Variants in ACAN observed in about 807,000 individuals in gnomAD.
ACAN encodes the protein aggrecan core protein.
Under a neutral mutation model 169.1 loss-of-function variants are expected in ACAN, and 47 were observed. The ratio of observed to expected loss-of-function variants is 0.28; its 90% CI spans 0.22 to 0.35. ACAN has a LOEUF of 0.35. ACAN is among the 10% of genes least tolerant of loss of function. The pLI is 1.00. For synonymous variants in ACAN, 1,115 were observed against 1,112.2 expected, an observed-to-expected ratio of 1.00 and a Z score of -0.05; for missense variants, 2,716 against 2,759.9, an observed-to-expected ratio of 0.98 and a Z score of 0.36.
intron 1 of ACAN, among the ~76,000 whole-genome samples, chr15:88,834,996 G>T (rs1270589168): frequency 3.9e-5 from 6 of 152,180 alleles, no homozygotes; most frequent in Admixed American, 2.0e-4. Flanking sequence ...ACAGACCTGT[G>T]TACTTATTAT....
At chr15:88,829,736 C>T (rs985183268) in intron 1 of ACAN, among the ~76,000 whole-genome samples, 6 of 152,182 alleles carry the variant, frequency 3.9e-5, no homozygotes, top group African/African-American at 1.2e-4. Flanking sequence ...GCCACCTGGT[C>T]GCAGGCAAAT....
chr15:88,838,945 TG>T lies in ACAN; in HGVS notation c.355del (p.Glu119LysfsTer17). 6.2e-7 allele frequency: 1 copy of T among 1,613,902 alleles called. No individual in the cohort carries two copies. The highest frequency in any genetic ancestry group is 8.5e-7 in the Non-Finnish European group (1 of 1,179,896). On this transcript the variant is annotated frameshift_variant, in exon 3 of 19. Coordinates refer to ENST00000560601, the MANE Select transcript of ACAN (RefSeq NM_001369268.1). LOFTEE classifies it high-confidence loss of function. This position sits in a 1 kb window ranked among gnomAD's most constrained non-coding sequence, Gnocchi z 5.1. ...NYPAIPSDAT[L>X]EVQSLRSNDS... ...CCGGCCATCCCCAGTGACGCCACCT[TG>T]GAAGTCCAGAGCCTGCGCTCCAATG...
At position 88,870,930 on chromosome 15, in the gene ACAN, C is replaced by A. The variant is rs960866321; in HGVS notation, c.7061-452C>A. Among the ~76,000 whole-genome samples, 1 of 152,212 alleles carries A rather than the reference C, an allele frequency of 6.6e-6. No homozygotes were observed. The highest frequency in any genetic ancestry group is 1.5e-5 in the Non-Finnish European group (1 of 68,032). On this transcript the variant is annotated intron_variant, in intron 14 of 18. Coordinates refer to ENST00000560601, the MANE Select transcript of ACAN (RefSeq NM_001369268.1). The surrounding 1 kb of genome is among the most constrained non-coding windows in gnomAD (Gnocchi z 6.3). Reference sequence around the variant, plus strand: ...AGGAAACTGCCAGCTCCGCTCCATGCCCCAGCGCTACCAGCTTCCACTGCC... The same window carrying A: ...AGGAAACTGCCAGCTCCGCTCCATGACCCAGCGCTACCAGCTTCCACTGCC...
chr15:88,845,448 C>A, intron 6 of ACAN, 57 bp from the exon 7 acceptor site: 1 of 1,539,542 alleles, frequency 6.5e-7, no homozygotes, highest in Non-Finnish European at 8.8e-7. Flanking sequence ...CACTCCTCAT[C>A]CCCCTCAAGC....
intron 1 of ACAN, among the ~76,000 whole-genome samples, chr15:88,825,813 C>T (rs1039147861): frequency 3.9e-5 from 6 of 152,224 alleles, no homozygotes; most frequent in Admixed American, 2.0e-4. Flanking sequence ...TGCCCACCCC[C>T]ACCTCCAGAA....
In ACAN at chr15:88,869,048, A is replaced by G. The variant is rs8042988; in HGVS notation, c.7060+719A>G. On this transcript the variant is annotated intron_variant, in intron 14 of 18. Transcript: ENST00000560601. The surrounding 1 kb of genome is among the most constrained non-coding windows in gnomAD (Gnocchi z 4.2). ...TCTCTTGGGCCTTGCCAACCTCTCCATTTCTGCACCACTTCTACCAAAAGG... is the reference window on the plus strand; with the variant it reads ...TCTCTTGGGCCTTGCCAACCTCTCCGTTTCTGCACCACTTCTACCAAAAGG... 0.43 allele frequency among the ~76,000 whole-genome samples: 64,819 copies of G among 151,992 alleles called. 15,427 individuals carry two copies. The highest frequency in any genetic ancestry group is 0.66 in the African/African-American group (27,519 of 41,464).
chr15:88,826,383 T>G (rs964653373), intron 1 of ACAN, among the ~76,000 whole-genome samples: 1 of 149,364 alleles, frequency 6.7e-6, no homozygotes, highest in Non-Finnish European at 1.5e-5. Flanking sequence ...TCTTTTTTTT[T>G]TTTTTTTTTT....
chr15:88,836,332 G>C, intron 2 of ACAN, 56 bp downstream of exon 2: 9 of 1,452,118 alleles, frequency 6.2e-6, no homozygotes, highest in Non-Finnish European at 8.7e-6. Flanking sequence ...TAGTGGGTTT[G>C]AGTACTGGGT....
chr15:88,821,508 C>T (rs1896075159), intron 1 of ACAN, among the ~76,000 whole-genome samples: 1 of 152,210 alleles, frequency 6.6e-6, no homozygotes, highest in Non-Finnish European at 1.5e-5. Flanking sequence ...AGATTCACAG[C>T]TGGTCCATCT....
In ACAN at chr15:88,843,050, G is replaced by T. The variant is rs1896704691; in HGVS notation, c.758-305G>T. Reference sequence around the variant, plus strand: ...CCCCCTGTGGTGGAATGCAAATGGGGCAAAGAGGCTTTTGAGCAGAATTTT... The same window carrying T: ...CCCCCTGTGGTGGAATGCAAATGGGTCAAAGAGGCTTTTGAGCAGAATTTT... On this transcript the variant is annotated intron_variant, in intron 5 of 18. Coordinates refer to ENST00000560601, the MANE Select transcript of ACAN (RefSeq NM_001369268.1). This position sits in a 1 kb window ranked among gnomAD's most constrained non-coding sequence, Gnocchi z 4.0. Among the ~76,000 whole-genome samples, 1 of 152,174 alleles carries T rather than the reference G, an allele frequency of 6.6e-6. No individual in the cohort carries two copies. The highest frequency in any genetic ancestry group is 2.4e-5 in the African/African-American group (1 of 41,434).
rs766415216 is a variant in ACAN at position 88,857,731 on chromosome 15, A to C, written c.5146A>C (p.Ser1716Arg). 4.3e-6 allele frequency: 7 copies of C among 1,613,976 alleles called. No homozygotes were observed. Among genetic ancestry groups the C allele is most frequent in the Non-Finnish European group, 5.9e-6 (7 of 1,179,882 alleles). ...TGGACTCCCTTCAGGAACTGAACTCAGTGGCCAAGCATCTGGGTCTCCTGA... is the reference window on the plus strand; with the variant it reads ...TGGACTCCCTTCAGGAACTGAACTCCGTGGCCAAGCATCTGGGTCTCCTGA... ...ASGLPSGTELSGQASGSPDVS... is the reference protein window; with the variant it reads ...ASGLPSGTELRGQASGSPDVS... The change falls in exon 12 of 19, where the codon AGT becomes CGT. Residue 1716 changes from serine (S) to arginine (R), a missense_variant. Ser to Arg is a moderately radical substitution (Grantham distance 110). This residue lies in a region of ACAN where 1,389 missense variants were observed against 1,363.7 expected (regional missense o/e 1.02). Transcript: ENST00000560601.
chr15:88,817,849 G>GAAAAA (rs10710630), intron 1 of ACAN, among the ~76,000 whole-genome samples: 75 of 73,362 alleles, frequency 1.0e-3, no homozygotes, highest in African/African-American at 2.9e-3. Flanking sequence ...GTGAGACTCT[G>GAAAAA]AAAAAAAAAA....
chr15:88,832,571 C>T (rs1896391728), intron 1 of ACAN, among the ~76,000 whole-genome samples: 1 of 152,190 alleles, frequency 6.6e-6, no homozygotes, highest in Non-Finnish European at 1.5e-5. Flanking sequence ...GATCATGCCA[C>T]TGCACTCCAG....
At chr15:88,831,136 G>A (rs1053260079) in intron 1 of ACAN, among the ~76,000 whole-genome samples, 6 of 152,136 alleles carry the variant, frequency 3.9e-5, no homozygotes, top group Admixed American at 2.0e-4. Flanking sequence ...TGATGTCACC[G>A]AACACAAAAT....
intron 11 of ACAN, among the ~76,000 whole-genome samples, chr15:88,854,287 A>G (rs562021581): frequency 2.6e-5 from 4 of 152,160 alleles, no homozygotes; most frequent in Non-Finnish European, 5.9e-5. Context: ...AGTATGCCAG[A>G]CTTCTTCCCA....
intron 1 of ACAN, among the ~76,000 whole-genome samples, chr15:88,818,097 A>G (rs1048396781): frequency 3.9e-5 from 6 of 152,200 alleles, no homozygotes; most frequent in Non-Finnish European, 8.8e-5. Flanking sequence ...AGTTTTCCTT[A>G]CTTGACTATT....
Position 88,855,183 on chromosome 15 carries a change from C to A in ACAN, c.2598C>A (p.Val866=). 1 of 1,607,734 alleles carries A rather than the reference C, an allele frequency of 6.2e-7. No homozygotes were observed. The highest frequency in any genetic ancestry group is 8.5e-7 in the Non-Finnish European group (1 of 1,176,074). The change falls in exon 12 of 19, where the codon GTC becomes GTA. Residue 866 remains valine (V), a synonymous_variant. Coordinates refer to ENST00000560601, the MANE Select transcript of ACAN (RefSeq NM_001369268.1). ...SSGEESGAPD[V]SGDFTGSGDV... ...GGGAGGAATCTGGGGCCCCTGATGT[C>A]AGTGGTGACTTCACAGGCAGTGGAG...
In ACAN at chr15:88,858,684, A is replaced by G. The variant is rs990450443; in HGVS notation, c.6099A>G (p.Glu2033=). 1.2e-6 allele frequency: 2 copies of G among 1,613,986 alleles called. No individual in the cohort carries two copies. The highest frequency in any genetic ancestry group is 3.3e-5 in the Admixed American group (2 of 60,022). ...GTSGEASGLP[E]VTLITSEFVE... ...GTGGAGAGGCCTCAGGACTTCCAGA[A>G]GTTACTTTAATCACTTCTGAGTTCG... Residue 2033 remains glutamate (E), a synonymous_variant, in exon 12 of 19, where the codon GAA becomes GAG. Coordinates refer to ENST00000560601, the MANE Select transcript of ACAN (RefSeq NM_001369268.1). The surrounding 1 kb of genome is among the most constrained non-coding windows in gnomAD (Gnocchi z 4.0).
At chr15:88,805,816 T>C (rs771065672) in intron 1 of ACAN, among the ~76,000 whole-genome samples, 1 of 152,226 alleles carries the variant, frequency 6.6e-6, no homozygotes, top group African/African-American at 2.4e-5. Flanking sequence ...TTTTGTTTAA[T>C]GTTCGGAAGC....
Sources: allele counts gnomAD v4.1 joint callset (sites outside exome capture counted in the v4.1 genomes callset), GRCh38; gene constraint gnomAD v4.1.1; regional missense constraint gnomAD v4.1.1; non-coding constraint Gnocchi (gnomAD v3.1); transcripts MANE v1.5; gene names NCBI Gene and HGNC (gene_info 2026-07-23, HGNC 2026-07-21).